The following CCDC144A variants were observed in gnomAD, a reference collection of about 807,000 sequenced individuals.
CCDC144A encodes the protein coiled-coil domain-containing protein 144A.
Under a neutral mutation model 143.8 loss-of-function variants are expected in CCDC144A, and 41 were observed. The observed-to-expected ratio is 0.29, with a 90% confidence interval of 0.22 to 0.37. The LOEUF is 0.37. CCDC144A is among the 10% of genes least tolerant of loss of function. The pLI is 1.00. For synonymous variants in CCDC144A, 242 were observed against 517.9 expected (o/e 0.47, Z 7.23); for missense variants, 637 against 1,488.8 (o/e 0.43, Z 9.41).
intron 12 of CCDC144A, among the ~76,000 whole-genome samples, chr17:16,749,526 G>A (rs1194659236): frequency 6.6e-6 from 1 of 152,196 alleles, no homozygotes; most frequent in African/African-American, 2.4e-5. Flanking sequence ...TGATCTTGGA[G>A]TATGTTCTTT....
chr17:16,717,117 T>C (rs1305176470), intron 6 of CCDC144A, among the ~76,000 whole-genome samples: 2 of 145,416 alleles, frequency 1.4e-5, no homozygotes, highest in Non-Finnish European at 3.0e-5. Context: ...TTTTTTTTTT[T>C]TTCTTTTCTT....
At chr17:16,673,181 T>C in the CCDC144A span, among the ~76,000 whole-genome samples, 2 of 151,846 alleles carry the variant, frequency 1.3e-5, no homozygotes, top group African/African-American at 4.8e-5. Context: ...TGAGAACAGT[T>C]TTTACACAGA....
At chr17:16,702,043 A>G (rs1477472128) in intron 2 of CCDC144A, among the ~76,000 whole-genome samples, 2 of 152,126 alleles carry the variant, frequency 1.3e-5, no homozygotes, top group East Asian at 1.9e-4. Context: ...AAAACAGTCT[A>G]TATTATTATA....
chr17:16,758,963 C>T (rs2656404), intron 12 of CCDC144A, among the ~76,000 whole-genome samples: 3 of 152,342 alleles, frequency 2.0e-5, no homozygotes, highest in South Asian at 4.1e-4. Flanking sequence ...CTGTGTAGTA[C>T]GACAGTGCCT....
intron 15 of CCDC144A, among the ~76,000 whole-genome samples, chr17:16,768,434 C>T (rs1285866988): frequency 6.6e-6 from 1 of 152,158 alleles, no homozygotes; most frequent in African/African-American, 2.4e-5. Flanking sequence ...GGCACTGGCT[C>T]TTTCAGCTTT....
the CCDC144A span, among the ~76,000 whole-genome samples, chr17:16,669,495 A>G: frequency 6.6e-6 from 1 of 152,196 alleles, no homozygotes. Context: ...AACCCAATTT[A>G]ATATTTCTGT....
At chr17:16,674,630 A>G in the CCDC144A span, among the ~76,000 whole-genome samples, 9 of 152,014 alleles carry the variant, frequency 5.9e-5, no homozygotes, top group Non-Finnish European at 1.0e-4. Context: ...GAAAGAAACC[A>G]AAGAAAGAAA....
upstream of CCDC144A, among the ~76,000 whole-genome samples, chr17:16,688,966 G>A (rs1466199275): frequency 2.0e-5 from 3 of 152,110 alleles, no homozygotes; most frequent in Non-Finnish European, 2.9e-5. Context: ...TTCTTCCTTT[G>A]CAATACTCAT....
chr17:16,742,089 C>CAA (rs1401735609), intron 12 of CCDC144A, among the ~76,000 whole-genome samples: 1 of 101,884 alleles, frequency 9.8e-6, no homozygotes. Context: ...GACTCTGTCT[C>CAA]AAAAAAAAAA....
chr17:16,730,120 T>A (rs1208696467), intron 9 of CCDC144A, among the ~76,000 whole-genome samples: 1 of 130,854 alleles, frequency 7.6e-6, no homozygotes, highest in Non-Finnish European at 1.6e-5. Flanking sequence ...ATTACAGATG[T>A]GAGCCACATG....
intron 5 of CCDC144A, chr17:16,709,949 G>A (rs1912301021): frequency 3.4e-6 from 1 of 296,250 alleles, no homozygotes; most frequent in Non-Finnish European, 6.3e-6. Context: ...AATGTGATGA[G>A]CTTGAGGGCT....
intron 12 of CCDC144A, chr17:16,746,379 T>A: frequency 7.1e-7 from 1 of 1,403,188 alleles, no homozygotes; most frequent in Non-Finnish European, 1.0e-6. Context: ...TCTCGAATTC[T>A]CTGCTTTTCT....
At chr17:16,754,858 A>G (rs1251149415) in intron 12 of CCDC144A, among the ~76,000 whole-genome samples, 4 of 152,202 alleles carry the variant, frequency 2.6e-5, no homozygotes, top group African/African-American at 9.7e-5. Flanking sequence ...ACTGGAGGCT[A>G]TCTGTCTCTT....
At chr17:16,734,434 C>T (rs1417632084) in intron 11 of CCDC144A, among the ~76,000 whole-genome samples, 4 of 151,936 alleles carry the variant, frequency 2.6e-5, no homozygotes, top group Non-Finnish European at 5.9e-5. Flanking sequence ...ATTTGGAGAC[C>T]GTCTTTTCCA....
At chr17:16,749,440 G>A (rs4034552) in intron 12 of CCDC144A, among the ~76,000 whole-genome samples, 3 of 152,022 alleles carry the variant, frequency 2.0e-5, no homozygotes, top group Non-Finnish European at 4.4e-5. Context: ...ATTGCACTGT[G>A]GTCCAAGAGA....
At chr17:16,673,044 C>CTA in the CCDC144A span, among the ~76,000 whole-genome samples, 2 of 151,994 alleles carry the variant, frequency 1.3e-5, 1 homozygote, top group Admixed American at 1.3e-4. Flanking sequence ...AAATGATAAA[C>CTA]CTTATAGAAT....
chr17:16,748,516 G>A (rs1914642082), intron 12 of CCDC144A, among the ~76,000 whole-genome samples: 1 of 152,142 alleles, frequency 6.6e-6, no homozygotes, highest in Admixed American at 6.5e-5. Flanking sequence ...AGACTTTGGT[G>A]TCTACATTCA....
At chr17:16,753,525 T>C (rs1597585291) in intron 12 of CCDC144A, among the ~76,000 whole-genome samples, 2 of 145,046 alleles carry the variant, frequency 1.4e-5, no homozygotes, top group Non-Finnish European at 3.0e-5. Context: ...GTAGCTAGAA[T>C]AGTGGGACGG....
At chr17:16,684,156 C>T in the CCDC144A span, 10 of 1,180,920 alleles carry the variant, frequency 8.5e-6, no homozygotes, top group East Asian at 2.3e-4. Context: ...AAGACAAGTG[C>T]AGGGAAAGAG....
Sources: allele counts gnomAD v4.1 joint callset (sites outside exome capture counted in the v4.1 genomes callset), GRCh38; gene constraint gnomAD v4.1.1; transcripts MANE v1.5; gene names NCBI Gene and HGNC (gene_info 2026-07-23, HGNC 2026-07-21).